Variants in PP2D1 observed in about 807,000 individuals in gnomAD.
PP2D1 encodes the protein protein phosphatase 2C-like domain-containing protein 1.
PP2D1 carries 25 observed loss-of-function variants against 30.2 expected under a neutral mutation model. That is an observed-to-expected ratio of 0.83 (90% confidence interval 0.60 to 1.16). The LOEUF (loss-of-function observed/expected upper bound fraction) is 1.16. Among genes scored for constraint, PP2D1 ranks in the 50% most tolerant of loss-of-function variants. The pLI is 0.00. For synonymous variants in PP2D1, 260 were observed against 258.9 expected, an observed-to-expected ratio of 1.00 and a Z score of -0.04; for missense variants, 760 against 742.4, an observed-to-expected ratio of 1.02 and a Z score of -0.28.
intron 2 of PP2D1, among the ~76,000 whole-genome samples, chr3:19,990,806 G>A (rs1697110346): frequency 6.7e-6 from 1 of 149,518 alleles, no homozygotes; most frequent in African/African-American, 2.5e-5. Flanking sequence ...CTGGAGTGCA[G>A]TGGCGCGATC....
rs1697263696 is a variant in PP2D1, at chr3:20,002,042, A to T, written c.78T>A (p.Asp26Glu). 2 of 1,534,584 alleles carry T rather than the reference A, an allele frequency of 1.3e-6. No individual in the cohort carries two copies. Among genetic ancestry groups the T allele is most frequent in the Admixed American group, 2.0e-5 (1 of 50,906 alleles). The change falls in exon 2 of 3, where the codon GAT (aspartate) becomes GAA (glutamate). Residue 26 changes from aspartate (D) to glutamate (E), a missense_variant. By Grantham distance (45) the Asp-to-Glu change is conservative. Around this residue, in one of 3 missense-constraint regions of PP2D1, gnomAD observed 374 missense variants for 388.8 expected, o/e 0.96. Transcript: ENST00000389050. ...WNMKTSTFDSDEDILLLPKRK... is the reference protein window; with the variant it reads ...WNMKTSTFDSEEDILLLPKRK... ...TTTTGGGTAAAAGTAGAATATCCTC[A>T]TCTGAATCAAATGTTGATGTTTTCA... is the stretch of plus-strand genomic sequence containing the variant.
At position 19,996,515 on chromosome 3, in the gene PP2D1, A is replaced by G. The variant is rs189158582; in HGVS notation, c.1090+4515T>C. On this transcript the variant is annotated intron_variant, in intron 2 of 2. Coordinates refer to ENST00000389050, the MANE Select transcript of PP2D1 (RefSeq NM_001252657.2). ...AATTCTACCAAACTTATAAAAAAGA[A>G]TTAACACCAATTCTTCTCAAACTTT... is the stretch of plus-strand genomic sequence containing the variant. 9.1e-3 allele frequency among the ~76,000 whole-genome samples: 1,381 copies of G among 152,298 alleles called. 22 individuals are homozygous for G. Among genetic ancestry groups the G allele is most frequent in the Non-Finnish European group, 1.0e-2 (677 of 68,022 alleles).
chr3:19,987,443 AATG>A (rs1354215044), intron 2 of PP2D1, among the ~76,000 whole-genome samples: 1 of 152,176 alleles, frequency 6.6e-6, no homozygotes, highest in East Asian at 1.9e-4. Context: ...AGATGGGGTT[AATG>A]ATATTTGAAT....
chr3:19,987,845 A>C (rs1697061328), intron 2 of PP2D1, among the ~76,000 whole-genome samples: 1 of 152,254 alleles, frequency 6.6e-6, no homozygotes, highest in African/African-American at 2.4e-5. Flanking sequence ...TAAATTGTGA[A>C]GATTTAATGG....
At chr3:20,000,123 A>G (rs1451802163) in intron 2 of PP2D1, among the ~76,000 whole-genome samples, 1 of 152,164 alleles carries the variant, frequency 6.6e-6, no homozygotes, top group Non-Finnish European at 1.5e-5. Flanking sequence ...CAATCCCCTT[A>G]AGAGGTAACA....
intron 2 of PP2D1, among the ~76,000 whole-genome samples, chr3:19,992,161 T>C (rs1167386502): frequency 1.3e-5 from 2 of 152,210 alleles, no homozygotes; most frequent in Non-Finnish European, 1.5e-5. Flanking sequence ...CTAGCTTTCA[T>C]TGGATGTTCA....
chr3:19,985,475 C>A lies in PP2D1; in HGVS notation c.1798G>T (p.Glu600Ter). Residue 600 changes from glutamate to a stop codon, truncating the protein, a stop_gained, in exon 3 of 3, where the codon GAA becomes TAA. Transcript: ENST00000389050. LOFTEE classifies it high-confidence loss of function. ...GCCAGTAAAGCAGCATTTACAAGTT[C>A]ATGGCTAACATACTCAGCTGCGCCT... ...YEGAAEYVSH[E>*]LVNAALLAGS... 2 of 1,536,038 alleles carry A rather than the reference C, an allele frequency of 1.3e-6. No individual in the cohort carries two copies. Among genetic ancestry groups the A allele is most frequent in the South Asian group, 2.4e-5 (2 of 84,062 alleles).
chr3:19,988,943 G>A (rs1040457751), intron 2 of PP2D1, among the ~76,000 whole-genome samples: 1 of 151,670 alleles, frequency 6.6e-6, no homozygotes, highest in Non-Finnish European at 1.5e-5. Context: ...ACGAAGTCAC[G>A]CCACTACACT....
At chr3:20,000,968 G>A in intron 2 of PP2D1, 62 bp downstream of exon 2, 1 of 904,478 alleles carries the variant, frequency 1.1e-6, no homozygotes, top group South Asian at 5.0e-5. Flanking sequence ...GAAGCATGAG[G>A]GGTTTTGCTG....
chr3:20,010,846 C>T (rs184492310), intron 1 of PP2D1, among the ~76,000 whole-genome samples: 1 of 152,078 alleles, frequency 6.6e-6, no homozygotes, highest in African/African-American at 2.4e-5. Flanking sequence ...ATAAAAAATA[C>T]CTACAATAGG....
At chr3:19,984,725 T>A (rs1295063245), downstream of PP2D1, 1 of 153,760 alleles carries the variant, frequency 6.5e-6, no homozygotes, top group African/African-American at 2.4e-5. Context: ...AATAGGGTAC[T>A]GCATTGTAGT....
chr3:19,984,488 G>A (rs947242784), downstream of PP2D1: 3 of 224,308 alleles, frequency 1.3e-5, no homozygotes, highest in African/African-American at 7.2e-5. Context: ...ACTAATAAAT[G>A]CACCTTAATG....
downstream of PP2D1, chr3:19,983,758 A>G (rs55823411): frequency 6.2e-7 from 1 of 1,612,698 alleles, no homozygotes; most frequent in Non-Finnish European, 8.5e-7. Flanking sequence ...AAATTCTGCC[A>G]GAGGAAGAGG....
chr3:20,006,183 T>A (rs545823151), intron 1 of PP2D1, among the ~76,000 whole-genome samples: 1 of 151,926 alleles, frequency 6.6e-6, no homozygotes, highest in Non-Finnish European at 1.5e-5. Context: ...GAAGTGGAGG[T>A]TGCAGTGAGC....
intron 2 of PP2D1, among the ~76,000 whole-genome samples, chr3:19,989,804 AT>A (rs1697093122): frequency 1.3e-5 from 2 of 152,244 alleles, no homozygotes; most frequent in African/African-American, 4.8e-5. Flanking sequence ...AGTCAAATCT[AT>A]TGACTTTGTA....
At chr3:20,003,060 G>GA (rs1015841019) in intron 1 of PP2D1, among the ~76,000 whole-genome samples, 24 of 135,074 alleles carry the variant, frequency 1.8e-4, no homozygotes, top group Admixed American at 2.9e-4. Flanking sequence ...ATCTCAAAAA[G>GA]AAAAAAAAAA....
chr3:20,003,935 A>G (rs1057085986), intron 1 of PP2D1, among the ~76,000 whole-genome samples: 2 of 152,238 alleles, frequency 1.3e-5, no homozygotes, highest in African/African-American at 4.8e-5. Context: ...AAACGTTTAC[A>G]AAGTAAAAAG....
At chr3:19,987,985 ATGTC>A (rs1200592015) in intron 2 of PP2D1, among the ~76,000 whole-genome samples, 6 of 152,102 alleles carry the variant, frequency 3.9e-5, no homozygotes, top group Admixed American at 3.9e-4. Flanking sequence ...ATAATTTCTT[ATGTC>A]TGTCTTTAAT....
At chr3:19,995,814 G>A (rs1258115930) in intron 2 of PP2D1, among the ~76,000 whole-genome samples, 1 of 152,056 alleles carries the variant, frequency 6.6e-6, no homozygotes, top group Non-Finnish European at 1.5e-5. Flanking sequence ...ATAGCAAGAG[G>A]AACATTGGAA....
Sources: gnomAD v4.1 joint callset for allele counts (sites outside exome capture counted in the v4.1 genomes callset) on GRCh38, gnomAD v4.1.1 for gene constraint, gnomAD v4.1.1 regional missense constraint, MANE v1.5 for transcripts, NCBI Gene and HGNC (gene_info 2026-07-23, HGNC 2026-07-21) for gene names.